BCL9L: variants seen among roughly 807,000 people sequenced by gnomAD.
BCL9L encodes B-cell CLL/lymphoma 9-like protein.
BCL9L carries 19 observed loss-of-function variants against 99.4 expected under a neutral mutation model. The ratio of observed to expected loss-of-function variants is 0.19; its 90% CI spans 0.13 to 0.28. The LOEUF (loss-of-function observed/expected upper bound fraction) is 0.28, where lower values mean the gene tolerates loss of function less well. BCL9L is among the 10% of genes least tolerant of loss of function. The pLI is 1.00. For missense variants in BCL9L, 2,023 were observed against 2,101.6 expected (o/e 0.96, Z 0.73); for synonymous variants, 900 against 854.8 (o/e 1.05, Z -0.92).
chr11:118,899,785 G>A, intron 9 of BCL9L, 132 bp downstream of exon 9: 1 of 1,307,776 alleles, frequency 7.6e-7, no homozygotes, highest in Non-Finnish European at 1.0e-6. Flanking sequence ...AGTGGGAACA[G>A]CATCCCGGAG....
At chr11:118,913,017 T>C (rs1940854289) in intron 2 of BCL9L, among the ~76,000 whole-genome samples, 1 of 152,066 alleles carries the variant, frequency 6.6e-6, no homozygotes, top group Admixed American at 6.6e-5. Context: ...AGGTGGTGAC[T>C]CAGCGGGCAG....
At position 118,901,035 on chromosome 11, in the gene BCL9L, T is replaced by G. The variant is rs1343871531; in HGVS notation, c.2708A>C (p.His903Pro). The change falls in exon 8 of 10, where the codon CAT (histidine) becomes CCT (proline). Residue 903 changes from histidine (H) to proline (P), a missense_variant. By Grantham distance (77) the His-to-Pro change is moderately conservative (BLOSUM62 -2). Transcript: ENST00000683865. The surrounding 1 kb of genome is among the most constrained non-coding windows in gnomAD (Gnocchi z 6.6). ...GCCTAGCCCCCGGTTTGGGGCTGAA[T>G]GCACGGTCCCAGGAGGATTGGACGC... The part of the protein sequence containing the change: ...PPASNPPGTV[H>P]SAPNRGLGRR... 2 of 1,575,362 alleles carry G rather than the reference T, an allele frequency of 1.3e-6. No homozygotes were observed.
rs200607709 is a variant in BCL9L at position 118,901,860 on chromosome 11, G to C, written c.1883C>G (p.Ala628Gly). 4.5e-5 allele frequency: 72 copies of C among 1,610,768 alleles called. No homozygotes were observed. The highest frequency in any genetic ancestry group is 5.1e-6 in the Non-Finnish European group (6 of 1,177,432). Reference protein sequence around the residue: ...QSMPMEVPMNAMQRPVRPGMG... With the variant: ...QSMPMEVPMNGMQRPVRPGMG... ...GCCTGGTCTCACGGGCCTCTGCATG[G>C]CATTCATGGGCACCTCCATGGGCAT... is the stretch of plus-strand genomic sequence containing the variant. Residue 628 changes from alanine (A) to glycine (G), a missense_variant, in exon 8 of 10, where the codon GCC becomes GGC. This residue lies in a region of BCL9L where 1,116 missense variants were observed against 1,194.6 expected (regional missense o/e 0.93). Coordinates refer to ENST00000683865, the MANE Select transcript of BCL9L (RefSeq NM_001378213.1). The surrounding 1 kb of genome is among the most constrained non-coding windows in gnomAD (Gnocchi z 6.6).
chr11:118,925,837 G>T lies in BCL9L; in HGVS notation c.-730C>A, dbSNP rs1941265606. Among the ~76,000 whole-genome samples, 1 of 151,086 alleles carries T rather than the reference G, an allele frequency of 6.6e-6. No individual in the cohort carries two copies. The highest frequency in any genetic ancestry group is 6.6e-5 in the Admixed American group (1 of 15,162). ...GGGTCCGGGGCATGTCCAGCCACTG[G>T]CTCCGCCGCGCGCCGCCGCCTCCCC... On this transcript the variant is annotated 5_prime_UTR_variant, in exon 1 of 10. Coordinates refer to ENST00000683865, the MANE Select transcript of BCL9L (RefSeq NM_001378213.1). The surrounding 1 kb of genome is among the most constrained non-coding windows in gnomAD (Gnocchi z 6.4).
Position 118,898,294 on chromosome 11 carries a change from G to GGCCCC in BCL9L, c.*120_*121insGGGGC. On this transcript the variant is annotated 3_prime_UTR_variant, in exon 10 of 10. Coordinates refer to ENST00000683865, the MANE Select transcript of BCL9L (RefSeq NM_001378213.1). ...TCCACAAATGCCACTCCCTACACAA[G>GGCCCC]CCCCCTCCCACCCCCTCCACCCCAC... The GGCCCC allele has an allele frequency of 1.2e-4, 56 of 452,312 alleles. 1 individual carries two copies. The highest frequency in any genetic ancestry group is 1.7e-4 in the East Asian group (4 of 23,130). The allele number at this position is 452,312 out of a possible 1,614,324, so 28.0% of individuals were successfully genotyped here.
At position 118,900,223 on chromosome 11, in the gene BCL9L, A is replaced by G. The variant is rs769698567; in HGVS notation, c.3125-25T>C. On this transcript the variant is annotated intron_variant, in intron 8 of 9. Transcript: ENST00000683865. The surrounding 1 kb of genome is among the most constrained non-coding windows in gnomAD (Gnocchi z 5.3). ...CCTACAGAAACGGGGAGACAAAGAG[A>G]GCAGGGGTGACTGGGGAGGGGCAGA... is the stretch of plus-strand genomic sequence containing the variant. 2 of 1,560,462 alleles carry G rather than the reference A, an allele frequency of 1.3e-6. No homozygotes were observed. The highest frequency in any genetic ancestry group is 1.7e-6 in the Non-Finnish European group (2 of 1,150,786).
rs555920913 is a variant in BCL9L, at chr11:118,914,864, G to A, written c.-77+3962C>T. On this transcript the variant is annotated intron_variant, in intron 2 of 9. Coordinates refer to ENST00000683865, the MANE Select transcript of BCL9L (RefSeq NM_001378213.1). This position sits in a 1 kb window ranked among gnomAD's most constrained non-coding sequence, Gnocchi z 4.4. Reference sequence around the variant, plus strand: ...TAAGAACTGAGTTTGAGGGCCGGGCGCGGTGGCACACGCCTGTAATCCCAG... The same window carrying A: ...TAAGAACTGAGTTTGAGGGCCGGGCACGGTGGCACACGCCTGTAATCCCAG... Among the ~76,000 whole-genome samples, 21 of 152,308 alleles carry A rather than the reference G, an allele frequency of 1.4e-4. No individual in the cohort carries two copies. The highest frequency in any genetic ancestry group is 2.5e-4 in the Non-Finnish European group (17 of 68,016).
chr11:118,912,489 C>A (rs1392009311), intron 2 of BCL9L, among the ~76,000 whole-genome samples: 1 of 152,168 alleles, frequency 6.6e-6, no homozygotes, highest in Non-Finnish European at 1.5e-5. Context: ...TCCGCTCCCC[C>A]ACCCCGAGTG....
At chr11:118,910,062 G>T in intron 2 of BCL9L, 47 bp from the exon 3 acceptor site, 2 of 1,357,186 alleles carry the variant, frequency 1.5e-6, no homozygotes, top group Non-Finnish European at 1.0e-6. Flanking sequence ...TGGGGAGGGG[G>T]TGTCAGAGGG....
rs1056066325 is a variant in BCL9L, at chr11:118,903,606, G to C, written c.533-154C>G. ...GTGTTCTCACCAGGCTGGTTTCCAC[G>C]ATGGCAAGAGTGGTGACCATGTGGA... On this transcript the variant is annotated intron_variant, in intron 5 of 9. Coordinates refer to ENST00000683865, the MANE Select transcript of BCL9L (RefSeq NM_001378213.1). This position sits in a 1 kb window ranked among gnomAD's most constrained non-coding sequence, Gnocchi z 5.6. 3.9e-5 allele frequency among the ~76,000 whole-genome samples: 6 copies of C among 152,208 alleles called. No homozygotes were observed. The highest frequency in any genetic ancestry group is 8.8e-5 in the Non-Finnish European group (6 of 68,036).
At chr11:118,917,922 G>A (rs1941013629) in intron 2 of BCL9L, among the ~76,000 whole-genome samples, 1 of 152,066 alleles carries the variant, frequency 6.6e-6, no homozygotes. Flanking sequence ...GGGGGTCAAA[G>A]GTCAAGTGGG....
At chr11:118,923,129 C>A (rs574038208) in intron 1 of BCL9L, among the ~76,000 whole-genome samples, 1 of 152,278 alleles carries the variant, frequency 6.6e-6, no homozygotes, top group Non-Finnish European at 1.5e-5. Context: ...CCTGCCCCGG[C>A]AGCTGCTGCT....
rs760459717 is a variant in BCL9L, at chr11:118,898,978, C to A, written c.3937G>T (p.Val1313Leu). ...SVLNDPELSE[V>L]IRPTPTGIPE... Reference sequence around the variant, plus strand: ...ATCCCCGTTGGGGTGGGCCGGATCACCTCGCTCAGCTCGGGGTCGTTCAGC... The same window carrying A: ...ATCCCCGTTGGGGTGGGCCGGATCAACTCGCTCAGCTCGGGGTCGTTCAGC... Residue 1313 changes from valine to leucine, a missense_variant, in exon 10 of 10, where the codon GTG becomes TTG. By Grantham distance (32) the Val-to-Leu change is conservative (BLOSUM62 1). Coordinates refer to ENST00000683865, the MANE Select transcript of BCL9L (RefSeq NM_001378213.1). 3 of 1,613,500 alleles carry A rather than the reference C, an allele frequency of 1.9e-6. No homozygotes were observed. The highest frequency in any genetic ancestry group is 1.7e-6 in the Non-Finnish European group (2 of 1,179,640).
intron 2 of BCL9L, among the ~76,000 whole-genome samples, chr11:118,911,762 C>T (rs1221367698): frequency 1.3e-5 from 2 of 152,256 alleles, no homozygotes; most frequent in African/African-American, 4.8e-5. Flanking sequence ...GTGACCCCAC[C>T]TCCCCACGCC....
chr11:118,901,764 G>A lies in BCL9L; in HGVS notation c.1979C>T (p.Pro660Leu), dbSNP rs905669931. ...TCGCTCCGCCTCACCCTGCCCACCTGGGTAGGGCATGGTGTTCTGGGCAAA... is the reference window on the plus strand; with the variant it reads ...TCGCTCCGCCTCACCCTGCCCACCTAGGTAGGGCATGGTGTTCTGGGCAAA... ...SNFAQNTMPY[P>L]GGQGEAERFM... The change falls in exon 8 of 10, where the codon CCA becomes CTA. Residue 660 changes from proline to leucine, a missense_variant. By Grantham distance (98) the Pro-to-Leu change is moderately conservative. This residue lies in a region of BCL9L where 1,116 missense variants were observed against 1,194.6 expected (regional missense o/e 0.93). Coordinates refer to ENST00000683865, the MANE Select transcript of BCL9L (RefSeq NM_001378213.1). The surrounding 1 kb of genome is among the most constrained non-coding windows in gnomAD (Gnocchi z 6.6). The A allele has an allele frequency of 6.2e-7, 1 of 1,612,416 alleles. No homozygotes were observed.
intron 2 of BCL9L, among the ~76,000 whole-genome samples, chr11:118,915,298 C>CT (rs578189672): frequency 1.6e-4 from 25 of 152,154 alleles, no homozygotes; most frequent in Non-Finnish European, 2.9e-4. Flanking sequence ...AACAGAATGC[C>CT]TAAGACACAC....
At position 118,909,901 on chromosome 11, in the gene BCL9L, G is replaced by A. The variant is rs768356467; in HGVS notation, c.26+13C>T. The A allele has an allele frequency of 3.7e-6, 6 of 1,613,846 alleles. No homozygotes were observed. In the African/African-American group the frequency reaches 8.0e-5, roughly 22 times the overall value. On this transcript the variant is annotated intron_variant, in intron 3 of 9. Transcript: ENST00000683865. ...CACACACACACATCCCACCCGCCAC[G>A]ACACCCACACACCTTGTCTTGTTAG...
Position 118,897,713 on chromosome 11 carries a change from G to A in BCL9L, c.*702C>T. On this transcript the variant is annotated 3_prime_UTR_variant, in exon 10 of 10. Transcript: ENST00000683865. ...GCATGTCCCTGGGTCCAGGGGAATG[G>A]AGGGAGCAATAACTTGAAGAAGGGG... is the stretch of plus-strand genomic sequence containing the variant. 2.2e-6 allele frequency: 1 copy of A among 448,396 alleles called. No individual in the cohort carries two copies. The highest frequency in any genetic ancestry group is 4.5e-6 in the Non-Finnish European group (1 of 224,538). The allele number at this position is 448,396 out of a possible 1,614,324, so 27.8% of individuals were successfully genotyped here. A position where few individuals can be genotyped will look rare whatever the true frequency, so the allele number is the denominator to read the frequency against.
chr11:118,919,268 G>C (rs965283662), intron 1 of BCL9L, among the ~76,000 whole-genome samples: 12 of 151,692 alleles, frequency 7.9e-5, no homozygotes, highest in Non-Finnish European at 1.5e-5. Context: ...CTGAGGACCT[G>C]GGGGAGGAGA....
Sources: allele counts gnomAD v4.1 joint callset (sites outside exome capture counted in the v4.1 genomes callset), GRCh38; gene constraint gnomAD v4.1.1; regional missense constraint gnomAD v4.1.1; non-coding constraint Gnocchi (gnomAD v3.1); transcripts MANE v1.5; gene names NCBI Gene and HGNC (gene_info 2026-07-23, HGNC 2026-07-21).